The following SACM1L variants were observed in gnomAD, a reference collection of about 807,000 sequenced individuals.
The protein encoded by SACM1L is phosphatidylinositol-3-phosphatase SAC1.
In SACM1L, 32 loss-of-function variants were observed where a neutral mutation model predicts 89.5. The observed-to-expected ratio is 0.36, with a 90% CI of 0.27 to 0.48. The LOEUF is 0.48. SACM1L is among the 20% of genes least tolerant of loss of function. The pLI is 0.99. For missense variants in SACM1L, 543 were observed against 708.5 expected, an observed-to-expected ratio of 0.77 and a Z score of 2.65; for synonymous variants, 213 against 232.8, an observed-to-expected ratio of 0.92 and a Z score of 0.77.
rs1281520061 is a variant in SACM1L at position 45,729,843 on chromosome 3, A to AT, written c.922-1448dup. On this transcript the variant is annotated intron_variant, in intron 11 of 19. Transcript: ENST00000389061. ...CATCACATTTGGGAAGGTTTTGGCT[A>AT]TTTTTTTTTTCTTCAAATAATCTGT... Among the ~76,000 whole-genome samples, 334 of 145,454 alleles carry AT rather than the reference A, an allele frequency of 2.3e-3. 4 individuals carry two copies. The highest frequency in any genetic ancestry group is 7.8e-3 in the African/African-American group (311 of 39,760).
chr3:45,732,130 C>T lies in SACM1L; in HGVS notation c.1079C>T (p.Ala360Val). 1.2e-6 allele frequency: 2 copies of T among 1,601,702 alleles called. No homozygotes were observed. The highest frequency in any genetic ancestry group is 1.1e-5 in the South Asian group (1 of 89,312). ...CTAAGTATTTTATTGGATCAGGTAGCAGAAATGCAAGATGAATTAAGGTAA... is the reference window on the plus strand; with the variant it reads ...CTAAGTATTTTATTGGATCAGGTAGTAGAAATGCAAGATGAATTAAGGTAA... ...DRLSILLDQVAEMQDELSYFL... is the reference protein window; with the variant it reads ...DRLSILLDQVVEMQDELSYFL... The change falls in exon 13 of 20, where the codon GCA becomes GTA. Residue 360 changes from alanine (A) to valine (V), a missense_variant. Physicochemically the swap from Ala to Val is moderately conservative, Grantham distance 64. Transcript: ENST00000389061.
In SACM1L at chr3:45,737,584, G is replaced by T; in HGVS notation, c.1241G>T (p.Arg414Ile). ...ARRSLQAQLQ[R>I]LGVLHVGQKL... is the part of the protein sequence containing the mutation. ...TCTGGGTGTGGTTTTTTATTCCAGA[G>T]ACTAGGAGTTTTGCATGTGGGACAA... Residue 414 changes from arginine (R) to isoleucine (I), a missense_variant and splice_region_variant, in exon 15 of 20, where the codon AGA becomes ATA. Physicochemically the swap from Arg to Ile is moderately conservative, Grantham distance 97. Transcript: ENST00000389061. The T allele has an allele frequency of 6.3e-7, 1 of 1,595,276 alleles. No homozygotes were observed. The highest frequency in any genetic ancestry group is 8.5e-7 in the Non-Finnish European group (1 of 1,175,524).
intron 11 of SACM1L, among the ~76,000 whole-genome samples, chr3:45,727,589 A>G (rs1473844132): frequency 6.6e-6 from 1 of 152,066 alleles, no homozygotes; most frequent in Admixed American, 6.5e-5. Context: ...AAAGTAGGGT[A>G]TTGAAGTTTC....
intron 11 of SACM1L, among the ~76,000 whole-genome samples, chr3:45,724,931 TTTATAAAAAGACTG>T (rs1004211064): frequency 4.6e-5 from 7 of 152,208 alleles, no homozygotes; most frequent in African/African-American, 1.7e-4. Context: ...CCCAGCACCA[TTTATAAAAAGACTG>T]TTCTTTTCCT....
At chr3:45,698,508 T>G (rs977244139) in intron 1 of SACM1L, among the ~76,000 whole-genome samples, 14 of 152,218 alleles carry the variant, frequency 9.2e-5, no homozygotes, top group African/African-American at 3.4e-4. Context: ...GAGCGAGACA[T>G]CTCTACCTTG....
intron 10 of SACM1L, 43 bp downstream of exon 10, chr3:45,722,998 C>T (rs1392704228): frequency 7.3e-7 from 1 of 1,375,138 alleles, no homozygotes; most frequent in Admixed American, 1.7e-5. Context: ...AAAATAGAAG[C>T]TTAATAGCAT....
intron 1 of SACM1L, chr3:45,690,317 A>T (rs915635614): frequency 1.3e-5 from 2 of 152,200 alleles, no homozygotes; most frequent in African/African-American, 4.8e-5. Context: ...ATTTTGTTGT[A>T]CTCACTTCGT....
intron 11 of SACM1L, among the ~76,000 whole-genome samples, chr3:45,731,061 C>T (rs536794826): frequency 3.0e-4 from 46 of 152,288 alleles, no homozygotes; most frequent in African/African-American, 1.0e-3. Context: ...TTAAATGCCA[C>T]AAAACTTTCC....
At chr3:45,711,366 C>G (rs372532879) in intron 5 of SACM1L, among the ~76,000 whole-genome samples, 1 of 152,206 alleles carries the variant, frequency 6.6e-6, no homozygotes, top group East Asian at 1.9e-4. Flanking sequence ...GTGGTTCATG[C>G]CTGTAATCCC....
At chr3:45,699,349 G>C (rs981600449) in intron 1 of SACM1L, among the ~76,000 whole-genome samples, 2 of 151,146 alleles carry the variant, frequency 1.3e-5, no homozygotes, top group African/African-American at 4.8e-5. Context: ...ATAAAAAAAT[G>C]CTCATATTAG....
At chr3:45,699,466 A>AT (rs1698211935) in intron 1 of SACM1L, among the ~76,000 whole-genome samples, 2 of 21,292 alleles carry the variant, frequency 9.4e-5, no homozygotes, top group Non-Finnish European at 1.7e-4. Context: ...TATAAATTTT[A>AT]TAAAATTATA....
At chr3:45,733,525 C>G (rs1025546303) in intron 13 of SACM1L, among the ~76,000 whole-genome samples, 7 of 152,128 alleles carry the variant, frequency 4.6e-5, no homozygotes, top group African/African-American at 1.7e-4. Context: ...CAACTCTAAA[C>G]GAACCTTACC....
In SACM1L at chr3:45,703,535, G is replaced by T; in HGVS notation, c.130G>T (p.Val44Phe). The T allele has an allele frequency of 6.3e-7, 1 of 1,597,352 alleles. No individual in the cohort carries two copies. The highest frequency in any genetic ancestry group is 8.6e-7 in the Non-Finnish European group (1 of 1,165,788). ...DRVSTEVTLA[V>F]KKDVPPSAVT... is the part of the protein sequence containing the mutation. ...TGTGTCCACAGAGGTTACCCTTGCA[G>T]GTATTTTACAGCCAGATTTAGAAGT... The change falls in exon 2 of 20, where the codon GTC becomes TTC. Residue 44 changes from valine to phenylalanine, a missense_variant and splice_region_variant. Val to Phe is a conservative substitution (Grantham distance 50). Transcript: ENST00000389061.
At chr3:45,712,775 G>A (rs1698558264) in intron 5 of SACM1L, among the ~76,000 whole-genome samples, 1 of 151,738 alleles carries the variant, frequency 6.6e-6, no homozygotes, top group Non-Finnish European at 1.5e-5. Context: ...GAGTGGCGAG[G>A]GCTAATGCCT....
chr3:45,711,494 G>A (rs769981869), intron 5 of SACM1L, among the ~76,000 whole-genome samples: 21 of 151,928 alleles, frequency 1.4e-4, no homozygotes, highest in African/African-American at 3.9e-4. Context: ...CAGGTGTGGC[G>A]GCACGCACCT....
At chr3:45,742,532 C>G (rs997966712) in intron 19 of SACM1L, 1 of 152,212 alleles carries the variant, frequency 6.6e-6, no homozygotes, top group Non-Finnish European at 1.5e-5. Flanking sequence ...GAGAGAGAAG[C>G]TATTCTCTAG....
chr3:45,731,402 G>T (rs1251646518), intron 12 of SACM1L, 22 bp downstream of exon 12: 1 of 1,551,024 alleles, frequency 6.4e-7, no homozygotes, highest in Non-Finnish European at 8.9e-7. Flanking sequence ...GAAATCTGTT[G>T]CAGGTCTTTT....
chr3:45,715,851 T>G (rs1408609428), intron 7 of SACM1L, among the ~76,000 whole-genome samples: 1 of 149,864 alleles, frequency 6.7e-6, no homozygotes, highest in African/African-American at 2.5e-5. Context: ...TTGTTTTTTG[T>G]TTTTTTTTCA....
At chr3:45,713,629 G>A (rs1698575124) in intron 6 of SACM1L, 1 of 163,954 alleles carries the variant, frequency 6.1e-6, no homozygotes, top group Non-Finnish European at 1.3e-5. Flanking sequence ...TAAACAGGGA[G>A]GCCCAGCTAG....
Sources: gnomAD v4.1 joint callset for allele counts (sites outside exome capture counted in the v4.1 genomes callset) on GRCh38, gnomAD v4.1.1 for gene constraint, MANE v1.5 for transcripts, NCBI Gene and HGNC (gene_info 2026-07-23, HGNC 2026-07-21) for gene names.